OPN3: variants seen among roughly 807,000 people sequenced by gnomAD.
OPN3 encodes opsin 3.
A neutral mutation model predicts 33.8 loss-of-function variants in OPN3; 29 were observed. The observed-to-expected ratio is 0.86, with a 90% CI of 0.64 to 1.17. The LOEUF is 1.17. Ranked by LOEUF, OPN3 falls within the 50% of genes most tolerant of loss-of-function variation. OPN3 has a pLI of 0.00. For missense variants in OPN3, 437 were observed against 514.1 expected, an observed-to-expected ratio of 0.85 and a Z score of 1.45; for synonymous variants, 216 against 216.1, an observed-to-expected ratio of 1.00 and a Z score of 0.00.
At chr1:241,634,578 CA>C in intron 1 of OPN3, 1 of 1,613,656 alleles carries the variant, frequency 6.2e-7, no homozygotes, top group Non-Finnish European at 8.5e-7. Flanking sequence ...TAGATTCCAC[CA>C]AAAACTGCAC....
intron 3 of OPN3, among the ~76,000 whole-genome samples, chr1:241,597,374 T>C (rs1448185229): frequency 2.0e-5 from 3 of 152,214 alleles, no homozygotes; most frequent in Admixed American, 2.0e-4. Flanking sequence ...TTAGTGCCTA[T>C]TTTGTGGAGT....
chr1:241,639,265 A>G (rs1665019531), intron 1 of OPN3: 1 of 152,276 alleles, frequency 6.6e-6, no homozygotes, highest in South Asian at 2.1e-4. Context: ...GGAAAATAGT[A>G]AAAACAGCTT....
chr1:241,617,122 C>T (rs1482885354), intron 1 of OPN3, among the ~76,000 whole-genome samples: 1 of 152,132 alleles, frequency 6.6e-6, no homozygotes, highest in Non-Finnish European at 1.5e-5. Flanking sequence ...AGGAAAGTCT[C>T]ATCGTCCCCA....
chr1:241,607,503 G>T (rs886205929), intron 1 of OPN3, among the ~76,000 whole-genome samples: 1 of 151,496 alleles, frequency 6.6e-6, no homozygotes, highest in Non-Finnish European at 1.5e-5. Flanking sequence ...GATGGAGCAA[G>T]ACTCCATCAA....
chr1:241,628,931 CTAATGT>C (rs1194127816), intron 1 of OPN3: 1 of 152,558 alleles, frequency 6.6e-6, no homozygotes, highest in African/African-American at 2.4e-5. Context: ...TAAAGAACCC[CTAATGT>C]TAAACTGAAT....
At chr1:241,628,124 G>A (rs1664475383) in intron 1 of OPN3, among the ~76,000 whole-genome samples, 1 of 152,170 alleles carries the variant, frequency 6.6e-6, no homozygotes, top group African/African-American at 2.4e-5. Flanking sequence ...ACTGTGTAGT[G>A]AGTTTTGGCA....
Position 241,640,150 on chromosome 1 carries a change from G to A in OPN3, c.105C>T (p.Leu35=), listed in dbSNP as rs1665066046. The change falls in exon 1 of 4, where the codon CTC becomes CTT. Residue 35 remains leucine, a synonymous_variant. Transcript: ENST00000366554. ...APAGTLSPAP[L]FSPGTYERLA... is the part of the protein sequence containing the mutation. ...GGCGCTCGTAGGTGCCGGGGCTGAA[G>A]AGGGGCGCGGGGCTCAGTGTCCCCG... The A allele has an allele frequency of 6.5e-7, 1 of 1,545,986 alleles. No homozygotes were observed.
At chr1:241,635,091 C>T (rs1312907990) in intron 1 of OPN3, 1 of 1,612,662 alleles carries the variant, frequency 6.2e-7, no homozygotes, top group African/African-American at 1.3e-5. Flanking sequence ...AACCTCCTGC[C>T]TTCTTTAACT....
chr1:241,616,201 G>A (rs1461618443), intron 1 of OPN3, among the ~76,000 whole-genome samples: 1 of 152,032 alleles, frequency 6.6e-6, no homozygotes, highest in Non-Finnish European at 1.5e-5. Context: ...TTGATTCCCT[G>A]GGATTATGAT....
At chr1:241,621,067 T>C (rs1483054322) in intron 1 of OPN3, among the ~76,000 whole-genome samples, 1 of 152,004 alleles carries the variant, frequency 6.6e-6, no homozygotes, top group African/African-American at 2.4e-5. Context: ...GGAAAGGAGG[T>C]AAAATGGAAT....
chr1:241,611,274 C>T (rs918405793), intron 1 of OPN3, among the ~76,000 whole-genome samples: 1 of 151,760 alleles, frequency 6.6e-6, no homozygotes, highest in African/African-American at 2.4e-5. Flanking sequence ...GAGCGTGCTT[C>T]AAAAAAGGCC....
chr1:241,594,582 A>G lies in OPN3; in HGVS notation c.1055T>C (p.Met352Thr). The G allele has an allele frequency of 1.2e-6, 2 of 1,614,168 alleles. No homozygotes were observed. Among genetic ancestry groups the G allele is most frequent in the South Asian group, 1.1e-5 (1 of 91,086 alleles). ...TGGCCTGTCCCCATCTTTCTGTGAC[A>G]TCACAATGGGTCTGATCTGCATTTC... is the stretch of plus-strand genomic sequence containing the variant. ...GSEMQIRPIV[M>T]SQKDGDRPKK... Residue 352 changes from methionine to threonine, a missense_variant, in exon 4 of 4, where the codon ATG becomes ACG. Physicochemically the swap from Met to Thr is moderately conservative, Grantham distance 81. Transcript: ENST00000366554.
At chr1:241,637,726 T>TA (rs950753001) in intron 1 of OPN3, among the ~76,000 whole-genome samples, 2 of 151,990 alleles carry the variant, frequency 1.3e-5, no homozygotes, top group African/African-American at 4.8e-5. Context: ...TACCCAATAA[T>TA]AGAGATGAGA....
intron 1 of OPN3, among the ~76,000 whole-genome samples, chr1:241,621,864 C>T (rs1234199997): frequency 6.6e-6 from 1 of 152,090 alleles, no homozygotes; most frequent in Non-Finnish European, 1.5e-5. Flanking sequence ...ATGTGAGGTA[C>T]TATGGGATCA....
chr1:241,608,107 A>G (rs1663890424), intron 1 of OPN3, among the ~76,000 whole-genome samples: 1 of 152,244 alleles, frequency 6.6e-6, no homozygotes, highest in African/African-American at 2.4e-5. Flanking sequence ...ATTTACTTTT[A>G]TAACTGCCTT....
intron 1 of OPN3, chr1:241,634,390 G>A: frequency 1.2e-6 from 2 of 1,613,896 alleles, no homozygotes; most frequent in Non-Finnish European, 1.7e-6. Context: ...GATCTGTAAT[G>A]AGTACTGCCC....
At chr1:241,602,341 A>T (rs1663698946) in intron 2 of OPN3, among the ~76,000 whole-genome samples, 1 of 152,234 alleles carries the variant, frequency 6.6e-6, no homozygotes, top group African/African-American at 2.4e-5. Context: ...ATGGGATCAC[A>T]TATCTGGGAG....
intron 1 of OPN3, among the ~76,000 whole-genome samples, chr1:241,639,526 G>A (rs1665028621): frequency 6.6e-6 from 1 of 151,866 alleles, no homozygotes; most frequent in African/African-American, 2.4e-5. Flanking sequence ...TTTCCTCAAA[G>A]TGTAAAAAGC....
At chr1:241,622,705 T>C (rs967121340) in intron 1 of OPN3, among the ~76,000 whole-genome samples, 1 of 152,242 alleles carries the variant, frequency 6.6e-6, no homozygotes, top group African/African-American at 2.4e-5. Flanking sequence ...TGGTAACACT[T>C]TGGCCCACGC....
Sources: allele counts gnomAD v4.1 joint callset (sites outside exome capture counted in the v4.1 genomes callset), GRCh38; gene constraint gnomAD v4.1.1; transcripts MANE v1.5; gene names NCBI Gene and HGNC (gene_info 2026-07-23, HGNC 2026-07-21).